The following KANSL3 variants were observed in gnomAD, a reference collection of about 807,000 sequenced individuals.
KANSL3 encodes KAT8 regulatory NSL complex subunit 3.
KANSL3 carries 16 observed loss-of-function variants against 89.2 expected under a neutral mutation model. The ratio of observed to expected loss-of-function variants is 0.18; its 90% CI spans 0.12 to 0.27. KANSL3 has a LOEUF of 0.27. Among genes scored for constraint, KANSL3 ranks in the 10% least tolerant of loss-of-function variants. The pLI, the probability that KANSL3 is intolerant of heterozygous loss-of-function variation, is 1.00. For synonymous variants in KANSL3, 385 were observed against 419.7 expected (o/e 0.92, Z 1.01); for missense variants, 879 against 1,110.6 (o/e 0.79, Z 2.96).
intron 3 of KANSL3, among the ~76,000 whole-genome samples, chr2:96,629,195 CGTT>C (rs1294047072): frequency 2.0e-5 from 3 of 152,138 alleles, no homozygotes; most frequent in African/African-American, 7.2e-5. Context: ...TTACCATCGT[CGTT>C]ATTTTTTATT....
At chr2:96,623,256 G>A (rs943215726) in intron 3 of KANSL3, among the ~76,000 whole-genome samples, 3 of 152,180 alleles carry the variant, frequency 2.0e-5, no homozygotes, top group African/African-American at 7.2e-5. Context: ...CCATATTAAT[G>A]CGGAGGAGCA....
rs768096235 is a variant in KANSL3 at position 96,619,365 on chromosome 2, C to G, written c.657G>C (p.Lys219Asn). The change falls in exon 5 of 21, where the codon AAG becomes AAC. Residue 219 changes from lysine (K) to asparagine (N), a missense_variant. Lys to Asn is a moderately conservative substitution (Grantham distance 94). Transcript: ENST00000431828. ...ACCCCAATCACAGCCTTACCTTCCCCTTCAGCGTCTGCAAAGCATCCAGGT... is the reference window on the plus strand; with the variant it reads ...ACCCCAATCACAGCCTTACCTTCCCGTTCAGCGTCTGCAAAGCATCCAGGT... ...AAYLDALQTLKGKIPTLIDRM... is the reference protein window; with the variant it reads ...AAYLDALQTLNGKIPTLIDRM... The G allele has an allele frequency of 1.2e-6, 2 of 1,610,966 alleles. No homozygotes were observed. The highest frequency in any genetic ancestry group is 2.7e-5 in the African/African-American group (2 of 74,842).
At chr2:96,630,785 T>C (rs1473897998) in intron 3 of KANSL3, among the ~76,000 whole-genome samples, 1 of 152,178 alleles carries the variant, frequency 6.6e-6, no homozygotes, top group East Asian at 1.9e-4. Flanking sequence ...AGTAGAAAGC[T>C]TGGGAACAAA....
At chr2:96,614,384 G>A (rs1268242842) in intron 5 of KANSL3, among the ~76,000 whole-genome samples, 1 of 152,194 alleles carries the variant, frequency 6.6e-6, no homozygotes, top group Admixed American at 6.5e-5. Context: ...ATCAGCCACT[G>A]CACCCAGCTT....
downstream of KANSL3, among the ~76,000 whole-genome samples, chr2:96,592,157 A>T (rs1178528073): frequency 6.6e-6 from 1 of 152,136 alleles, no homozygotes; most frequent in Non-Finnish European, 1.5e-5. Context: ...AAGACAGCAA[A>T]CCAGATGTCT....
intron 16 of KANSL3, 47 bp downstream of exon 16, chr2:96,604,732 G>C (rs1423708393): frequency 6.7e-7 from 1 of 1,483,134 alleles, no homozygotes; most frequent in Admixed American, 2.0e-5. Flanking sequence ...CAGAAACAGA[G>C]GGAAGGGAAA....
In KANSL3 at chr2:96,604,351, G is replaced by A; in HGVS notation, c.2048C>T (p.Ala683Val). The A allele has an allele frequency of 3.7e-6, 6 of 1,612,682 alleles. No individual in the cohort carries two copies. In the South Asian group the frequency reaches 6.6e-5, roughly 18 times the overall value. The change falls in exon 17 of 21, where the codon GCC becomes GTC. Residue 683 changes from alanine (A) to valine (V), a missense_variant. Transcript: ENST00000431828. ...GGAGACCACTGAAGGGACTGGGCTGGCTGAGACTCCACCTTCAGAAGAACT... is the reference window on the plus strand; with the variant it reads ...GGAGACCACTGAAGGGACTGGGCTGACTGAGACTCCACCTTCAGAAGAACT... ...KSSSSEGGVS[A>V]SPVPSVVSSS...
rs781392878 is a variant in KANSL3 at position 96,631,422 on chromosome 2, G to T, written c.276C>A (p.Asp92Glu). 6.2e-7 allele frequency: 1 copy of T among 1,600,198 alleles called. No homozygotes were observed. The highest frequency in any genetic ancestry group is 8.5e-7 in the Non-Finnish European group (1 of 1,173,050). ...TVTSTPMPLY[D>E]NQKARSVMNE... ...TCATCACGCTGCGTGCCTTCTGATT[G>T]TCATAGAGTGGCATAGGCGTTGATG... Residue 92 changes from aspartate (D) to glutamate (E), a missense_variant, in exon 3 of 21, where the codon GAC (aspartate) becomes GAA (glutamate). By Grantham distance (45) the Asp-to-Glu change is conservative. Coordinates refer to ENST00000431828, the MANE Select transcript of KANSL3 (RefSeq NM_001115016.3).
rs368904725 is a variant in KANSL3 at position 96,612,362 on chromosome 2, G to C, written c.1015-9C>G. 1.2e-5 allele frequency: 19 copies of C among 1,612,654 alleles called. No homozygotes were observed. Among genetic ancestry groups the C allele is most frequent in the Non-Finnish European group, 1.5e-5 (18 of 1,178,694 alleles). Reference sequence around the variant, plus strand: ...GGGAAATGGCTGTGAATCTTCATGGGAAGAGAAAGAAGACAGTAAGACAGG... The same window carrying C: ...GGGAAATGGCTGTGAATCTTCATGGCAAGAGAAAGAAGACAGTAAGACAGG... On this transcript the variant is annotated splice_polypyrimidine_tract_variant and intron_variant, in intron 8 of 20. Transcript: ENST00000431828.
At chr2:96,624,359 T>C (rs765563574) in intron 3 of KANSL3, among the ~76,000 whole-genome samples, 5 of 152,200 alleles carry the variant, frequency 3.3e-5, no homozygotes, top group East Asian at 3.8e-4. Context: ...GAAACATGGA[T>C]ATATCTCCAT....
At chr2:96,591,970 G>A (rs754585550), downstream of KANSL3, among the ~76,000 whole-genome samples, 1 of 152,186 alleles carries the variant, frequency 6.6e-6, no homozygotes, top group Non-Finnish European at 1.5e-5. Context: ...CATCAACCCT[G>A]ACCAAAATGT....
intron 14 of KANSL3, 82 bp downstream of exon 14, chr2:96,608,426 A>C: frequency 3.6e-6 from 5 of 1,375,998 alleles, no homozygotes; most frequent in Non-Finnish European, 5.0e-6. Context: ...AAAAAGCCAT[A>C]GATATCAATA....
In KANSL3 at chr2:96,608,965, G is replaced by A. The variant is rs922744856; in HGVS notation, c.1483C>T (p.Arg495Cys). 88 of 1,562,602 alleles carry A rather than the reference G, an allele frequency of 5.6e-5. No individual in the cohort carries two copies. The highest frequency in any genetic ancestry group is 2.9e-4 in the Admixed American group (15 of 51,996). The change falls in exon 13 of 21, where the codon CGC (arginine) becomes TGC (cysteine). Residue 495 changes from arginine to cysteine, a missense_variant. Around this residue, in one of 6 missense-constraint regions of KANSL3, gnomAD observed 317 missense variants for 311.2 expected, o/e 1.02. Coordinates refer to ENST00000431828, the MANE Select transcript of KANSL3 (RefSeq NM_001115016.3). ...DQDAEKKKKP[R>C]DVARRDLAFE... ...GCCAAGTCTCTGCGGGCCACATCGC[G>A]GGGCTTCTTCTTCTTCTCAGCATCC...
intron 3 of KANSL3, among the ~76,000 whole-genome samples, chr2:96,622,113 C>CA (rs113914476): frequency 0.051 from 6,613 of 130,456 alleles, 225 homozygotes; most frequent in Non-Finnish European, 0.068. Context: ...GACTCCAGCT[C>CA]AAAAAAAAAA....
chr2:96,599,972 G>A (rs918639858), intron 20 of KANSL3, among the ~76,000 whole-genome samples: 1 of 152,128 alleles, frequency 6.6e-6, no homozygotes, highest in Non-Finnish European at 1.5e-5. Context: ...TCTCTGGCCT[G>A]GAGAAATGCT....
chr2:96,627,986 A>C (rs1457713734), intron 3 of KANSL3: 2 of 1,289,974 alleles, frequency 1.6e-6, no homozygotes, highest in Non-Finnish European at 2.0e-6. Flanking sequence ...ATCAGACACT[A>C]AGAAAACAAA....
chr2:96,595,386 C>G lies in KANSL3; in HGVS notation c.*225G>C. On this transcript the variant is annotated 3_prime_UTR_variant, in exon 21 of 21. Transcript: ENST00000431828. ...CAGATCTGCTGAGGAGTCTGGGGTT[C>G]CCAGGAACCAGATTTGCAGATCCTG... 1 of 526,006 alleles carries G rather than the reference C, an allele frequency of 1.9e-6. No homozygotes were observed. Among genetic ancestry groups the G allele is most frequent in the Non-Finnish European group, 3.4e-6 (1 of 292,620 alleles). The allele number at this position is 526,006 out of a possible 1,614,324, so 32.6% of individuals were successfully genotyped here. A position where few individuals can be genotyped will look rare whatever the true frequency, so the allele number is the denominator to read the frequency against.
chr2:96,587,581 T>G, the KANSL3 span, among the ~76,000 whole-genome samples: 19 of 152,324 alleles, frequency 1.2e-4, no homozygotes, highest in Middle Eastern at 3.4e-3. Flanking sequence ...AGATCGAGTT[T>G]CATAGATAAC....
At chr2:96,611,729 A>G (rs1218385747) in intron 9 of KANSL3, among the ~76,000 whole-genome samples, 1 of 152,194 alleles carries the variant, frequency 6.6e-6, no homozygotes, top group Non-Finnish European at 1.5e-5. Flanking sequence ...GTAAAATACG[A>G]AAAGATTCCT....
Sources: allele counts gnomAD v4.1 joint callset (sites outside exome capture counted in the v4.1 genomes callset), GRCh38; gene constraint gnomAD v4.1.1; regional missense constraint gnomAD v4.1.1; transcripts MANE v1.5; gene names NCBI Gene and HGNC (gene_info 2026-07-23, HGNC 2026-07-21).